KCNK10: variants seen among roughly 807,000 people sequenced by gnomAD.
KCNK10 encodes potassium two pore domain channel subfamily K member 10.
In KCNK10, 25 loss-of-function variants were observed where a neutral mutation model predicts 47.7. The ratio of observed to expected loss-of-function variants is 0.52; its 90% CI spans 0.38 to 0.73. The LOEUF (loss-of-function observed/expected upper bound fraction) is 0.73. KCNK10 is among the 30% of genes least tolerant of loss of function. The probability of loss-of-function intolerance (pLI) is 0.00; values close to 1 mark genes in which losing one functional copy is unlikely to be tolerated. For missense variants in KCNK10, 563 were observed against 714.5 expected, an observed-to-expected ratio of 0.79 and a Z score of 2.42; for synonymous variants, 303 against 285.6, an observed-to-expected ratio of 1.06 and a Z score of -0.61.
intron 3 of KCNK10, 42 bp downstream of exon 3, chr14:88,240,661 G>A: frequency 7.7e-7 from 1 of 1,302,008 alleles, no homozygotes; most frequent in South Asian, 1.2e-5. Context: ...CCTTACTCAA[G>A]ATGACCTGCA....
At chr14:88,290,706 T>C (rs950456326) in intron 1 of KCNK10, among the ~76,000 whole-genome samples, 14 of 152,304 alleles carry the variant, frequency 9.2e-5, no homozygotes, top group African/African-American at 3.4e-4. Context: ...TGTGCAAAGA[T>C]GAAAATTTAC....
At chr14:88,234,339 T>C (rs146373903) in intron 3 of KCNK10, among the ~76,000 whole-genome samples, 13 of 152,358 alleles carry the variant, frequency 8.5e-5, no homozygotes, top group African/African-American at 2.9e-4. Flanking sequence ...TAGCATGTCA[T>C]ATAATTAGAT....
intron 1 of KCNK10, among the ~76,000 whole-genome samples, chr14:88,319,875 C>T (rs1249394895): frequency 6.6e-6 from 1 of 152,188 alleles, no homozygotes; most frequent in Non-Finnish European, 1.5e-5. Context: ...CTCTCTGTTC[C>T]TCAGTTAACT....
At chr14:88,258,710 A>C (rs1887028354) in intron 2 of KCNK10, among the ~76,000 whole-genome samples, 2 of 152,346 alleles carry the variant, frequency 1.3e-5, no homozygotes, top group South Asian at 4.1e-4. Context: ...TGAATGGATG[A>C]GAATGTCCCC....
chr14:88,186,844 AG>A lies in KCNK10; in HGVS notation c.1012-690del, dbSNP rs916992455. On this transcript the variant is annotated intron_variant, in intron 6 of 6. Transcript: ENST00000319231. This position sits in a 1 kb window ranked among gnomAD's most constrained non-coding sequence, Gnocchi z 5.5. ...ACCTGGTAACCCACTTCCCCCAGTC[AG>A]GGTGCAGGAAGACGGCCTATTCTGC... Among the ~76,000 whole-genome samples, 7 of 152,212 alleles carry A rather than the reference AG, an allele frequency of 4.6e-5. No homozygotes were observed. The highest frequency in any genetic ancestry group is 2.9e-5 in the Non-Finnish European group (2 of 68,028).
intron 1 of KCNK10, among the ~76,000 whole-genome samples, chr14:88,307,248 T>A (rs968918952): frequency 6.7e-5 from 10 of 149,962 alleles, no homozygotes. Context: ...CAGATGACTG[T>A]CTTCATTCTT....
chr14:88,231,691 A>G (rs188749256), intron 3 of KCNK10, among the ~76,000 whole-genome samples: 103 of 152,298 alleles, frequency 6.8e-4, no homozygotes, highest in African/African-American at 2.4e-3. Flanking sequence ...TTACTGAGAA[A>G]GGGACTAGGG....
At chr14:88,239,628 G>A (rs1197788592) in intron 3 of KCNK10, among the ~76,000 whole-genome samples, 2 of 152,140 alleles carry the variant, frequency 1.3e-5, no homozygotes, top group African/African-American at 4.8e-5. Flanking sequence ...GGAGGCTGAG[G>A]CGGGCAGATC....
rs142178177 is a variant in KCNK10 at position 88,197,036 on chromosome 14, G to C, written c.682-4626C>G. Among the ~76,000 whole-genome samples the C allele has an allele frequency of 8.6e-3, 1,314 of 152,220 alleles. 12 individuals are homozygous for C. Among genetic ancestry groups the C allele is most frequent in the Middle Eastern group, 0.024 (7 of 294 alleles). ...GAGAATAGTGAAGTGGAACCTTCAA[G>C]AAGCCTACTGAAAAAGTCCCACTCA... is the stretch of plus-strand genomic sequence containing the variant. On this transcript the variant is annotated intron_variant, in intron 4 of 6. Coordinates refer to ENST00000319231, the MANE Select transcript of KCNK10 (RefSeq NM_138317.3).
chr14:88,304,892 A>T (rs1888174880), intron 1 of KCNK10, among the ~76,000 whole-genome samples: 1 of 152,210 alleles, frequency 6.6e-6, no homozygotes, highest in South Asian at 2.1e-4. Flanking sequence ...AAGGTTATGT[A>T]TTTAGTTGAT....
intron 1 of KCNK10, among the ~76,000 whole-genome samples, chr14:88,306,928 C>G (rs977966158): frequency 1.3e-5 from 2 of 152,186 alleles, no homozygotes; most frequent in East Asian, 3.8e-4. Context: ...TGTGAGTATA[C>G]AGACATGAAA....
intron 1 of KCNK10, among the ~76,000 whole-genome samples, chr14:88,315,772 A>T (rs1252873396): frequency 6.6e-6 from 1 of 152,132 alleles, no homozygotes; most frequent in Non-Finnish European, 1.5e-5. Context: ...TTAAACTGTA[A>T]ATACCACCAG....
At chr14:88,240,440 G>A (rs1470631368) in intron 3 of KCNK10, among the ~76,000 whole-genome samples, 2 of 152,176 alleles carry the variant, frequency 1.3e-5, no homozygotes, top group African/African-American at 2.4e-5. Context: ...TGAGTAACCC[G>A]AGTTCAACCG....
upstream of KCNK10, among the ~76,000 whole-genome samples, chr14:88,325,683 C>T (rs954325112): frequency 1.4e-5 from 1 of 71,318 alleles, no homozygotes; most frequent in African/African-American, 4.2e-5. Context: ...TTCCAAGCCT[C>T]CAGGCCCTCC....
At chr14:88,318,371 C>T (rs536906823) in intron 1 of KCNK10, among the ~76,000 whole-genome samples, 31 of 152,304 alleles carry the variant, frequency 2.0e-4, no homozygotes, top group Admixed American at 1.1e-3. Context: ...TGCTCATGCA[C>T]CTCATATGCT....
At chr14:88,321,785 C>G (rs965141275) in intron 1 of KCNK10, among the ~76,000 whole-genome samples, 2 of 152,194 alleles carry the variant, frequency 1.3e-5, no homozygotes, top group African/African-American at 4.8e-5. Flanking sequence ...CACACGCACC[C>G]CAAATAAACA....
chr14:88,221,958 A>T (rs751808020), intron 4 of KCNK10, among the ~76,000 whole-genome samples: 2 of 152,232 alleles, frequency 1.3e-5, no homozygotes, highest in Non-Finnish European at 2.9e-5. Flanking sequence ...AAAAGGCTAC[A>T]TACAGTATGA....
At chr14:88,291,625 G>A (rs186132732) in intron 1 of KCNK10, among the ~76,000 whole-genome samples, 3 of 152,304 alleles carry the variant, frequency 2.0e-5, no homozygotes, top group South Asian at 2.1e-4. Context: ...CACTGCTACA[G>A]GTAGGGGCAT....
At chr14:88,197,606 A>AAAAAAAAAAAAAC (rs1884958646) in intron 4 of KCNK10, among the ~76,000 whole-genome samples, 1 of 146,550 alleles carries the variant, frequency 6.8e-6, no homozygotes, top group Non-Finnish European at 1.5e-5. Flanking sequence ...AAAAAAAAAA[A>AAAAAAAAAAAAAC]AAAAAATCAA....
Sources: gnomAD v4.1 joint callset for allele counts (sites outside exome capture counted in the v4.1 genomes callset) on GRCh38, gnomAD v4.1.1 for gene constraint, Gnocchi (gnomAD v3.1) non-coding constraint, MANE v1.5 for transcripts, NCBI Gene and HGNC (gene_info 2026-07-23, HGNC 2026-07-21) for gene names.